Variants in NRXN3 observed in about 807,000 individuals in gnomAD.
NRXN3 encodes neurexin III.
A neutral mutation model predicts 137.6 loss-of-function variants in NRXN3; 32 were observed. The ratio of observed to expected loss-of-function variants is 0.23; its 90% CI spans 0.18 to 0.31. The LOEUF (loss-of-function observed/expected upper bound fraction) is 0.31, where lower values mean the gene tolerates loss of function less well. Among genes scored for constraint, NRXN3 ranks in the 10% least tolerant of loss-of-function variants. The probability of loss-of-function intolerance (pLI) is 1.00; values close to 1 mark genes in which losing one functional copy is unlikely to be tolerated. For missense variants in NRXN3, 1,574 were observed against 2,062.5 expected (o/e 0.76, Z 4.59); for synonymous variants, 798 against 784.5 (o/e 1.02, Z -0.29).
At chr14:79,757,360 C>T (rs1295707158) in intron 19 of NRXN3, among the ~76,000 whole-genome samples, 2 of 152,122 alleles carry the variant, frequency 1.3e-5, no homozygotes, top group African/African-American at 2.4e-5. Context: ...CTGTTATCAT[C>T]GTCCTGATGA....
rs1442448952 is a variant in NRXN3 at position 79,094,973 on chromosome 14, A to AGT, written c.3262+106833_3262+106834insTG. Among the ~76,000 whole-genome samples, 809 of 94,668 alleles carry AGT rather than the reference A, an allele frequency of 8.5e-3. 3 individuals are homozygous for AGT. The highest frequency in any genetic ancestry group is 0.012 in the South Asian group (22 of 1,902). The allele number at this position is 94,668 out of a possible 152,430, so 62.1% of individuals were successfully genotyped here. ...AAGAGAGAGAGAGAGAGAGAGAGAG[A>AGT]GAGAGAGTGTGTGTGTGTGTGTGTG... On this transcript the variant is annotated intron_variant, in intron 15 of 20. Coordinates refer to ENST00000335750, the MANE Select transcript of NRXN3 (RefSeq NM_001330195.2).
chr14:79,753,974 G>T (rs967333868), intron 19 of NRXN3, among the ~76,000 whole-genome samples: 2 of 151,874 alleles, frequency 1.3e-5, no homozygotes, highest in African/African-American at 4.8e-5. Flanking sequence ...ATTGTTTTAG[G>T]TATTATACCT....
chr14:78,420,042 T>C (rs2093372721), intron 4 of NRXN3, among the ~76,000 whole-genome samples: 2 of 151,996 alleles, frequency 1.3e-5, no homozygotes, highest in East Asian at 2.0e-4. Context: ...GAAGAAGGGA[T>C]GCCTCTTGTA....
In NRXN3 at chr14:78,472,561, C is replaced by T. The variant is rs529896723; in HGVS notation, c.758-172559C>T. ...TATTTTTCTCCACTTAATGCTTGCT[C>T]AGGGAAGACATCCACATCCATGGGA... On this transcript the variant is annotated intron_variant, in intron 4 of 20. Transcript: ENST00000335750. Among the ~76,000 whole-genome samples the T allele has an allele frequency of 3.3e-5, 5 of 152,334 alleles. No individual in the cohort carries two copies. The East Asian group carries it at 9.6e-4, about 29-fold the overall frequency.
At chr14:79,154,272 C>A (rs1182708510) in intron 15 of NRXN3, among the ~76,000 whole-genome samples, 1 of 151,884 alleles carries the variant, frequency 6.6e-6, no homozygotes, top group East Asian at 1.9e-4. Context: ...AATGCCCAAT[C>A]ACATTTTAAA....
chr14:79,075,847 T>C (rs994840077), intron 15 of NRXN3, among the ~76,000 whole-genome samples: 10 of 152,222 alleles, frequency 6.6e-5, no homozygotes, highest in African/African-American at 2.4e-4. Context: ...GTAGATGTCC[T>C]TCCCATACCT....
chr14:79,803,885 T>C (rs1275583387), intron 19 of NRXN3, among the ~76,000 whole-genome samples: 2 of 148,664 alleles, frequency 1.3e-5, no homozygotes, highest in Non-Finnish European at 3.0e-5. Context: ...TAACTGTAAC[T>C]AAAAAGTGTG....
intron 8 of NRXN3, among the ~76,000 whole-genome samples, chr14:78,794,618 G>A (rs187164937): frequency 1.3e-4 from 20 of 151,504 alleles, no homozygotes; most frequent in Admixed American, 7.9e-4. Flanking sequence ...GTGTGTGTGT[G>A]TGTGTGTGTG....
At chr14:79,422,474 T>C (rs568552203) in intron 15 of NRXN3, among the ~76,000 whole-genome samples, 106 of 152,296 alleles carry the variant, frequency 7.0e-4, no homozygotes, top group African/African-American at 2.5e-3. Context: ...CTGCATTCTT[T>C]AAGAATCTTC....
intron 16 of NRXN3, among the ~76,000 whole-genome samples, chr14:79,490,385 T>C (rs1476279857): frequency 6.6e-6 from 1 of 152,166 alleles, no homozygotes; most frequent in African/African-American, 2.4e-5. Flanking sequence ...GCAGCACTTT[T>C]CACAATAGCT....
At chr14:79,763,424 C>T (rs956665147) in intron 19 of NRXN3, among the ~76,000 whole-genome samples, 3 of 68,838 alleles carry the variant, frequency 4.4e-5, no homozygotes, top group African/African-American at 1.3e-4. Flanking sequence ...GGTATACACC[C>T]AGTAATGGGA....
At chr14:79,498,206 C>T (rs1441345492) in intron 16 of NRXN3, among the ~76,000 whole-genome samples, 1 of 152,176 alleles carries the variant, frequency 6.6e-6, no homozygotes, top group African/African-American at 2.4e-5. Flanking sequence ...GAAAGTTAAA[C>T]ATTAGTCACT....
chr14:79,018,275 AAAAAAAAAAAAAAAAAAAAAAG>A (rs1568003309), intron 15 of NRXN3, among the ~76,000 whole-genome samples: 1 of 57,706 alleles, frequency 1.7e-5, no homozygotes, highest in Non-Finnish European at 4.0e-5. Context: ...AAAAAAAAAA[AAAAAAAAAAAAAAAAAAAAAAG>A]AGAGAGAGCA....
intron 10 of NRXN3, among the ~76,000 whole-genome samples, chr14:78,930,393 A>G (rs1010227405): frequency 6.6e-6 from 1 of 152,242 alleles, no homozygotes; most frequent in Non-Finnish European, 1.5e-5. Flanking sequence ...TTCAGTTAGC[A>G]GCACCGTTGC....
At chr14:79,807,664 G>T (rs1395014614) in intron 20 of NRXN3, among the ~76,000 whole-genome samples, 1 of 152,146 alleles carries the variant, frequency 6.6e-6, no homozygotes, top group Non-Finnish European at 1.5e-5. Flanking sequence ...ACAATCTGTT[G>T]TGTTCTGTAA....
chr14:79,665,638 G>A (rs1039200551), intron 17 of NRXN3, among the ~76,000 whole-genome samples: 1 of 152,056 alleles, frequency 6.6e-6, no homozygotes, highest in African/African-American at 2.4e-5. Flanking sequence ...GTTTCTGTTA[G>A]GAATTTCAAA....
At position 78,974,443 on chromosome 14, in the gene NRXN3, C is replaced by T. The variant is rs561407994; in HGVS notation, c.3142+6097C>T. The stretch of plus-strand genomic sequence containing the variant: ...CATGGCAAAATAATCTGAAAGTTCT[C>T]ATCCAAAGGAATAATGGTTTGTAGG... On this transcript the variant is annotated intron_variant, in intron 14 of 20. Coordinates refer to ENST00000335750, the MANE Select transcript of NRXN3 (RefSeq NM_001330195.2). 7.2e-5 allele frequency among the ~76,000 whole-genome samples: 11 copies of T among 152,296 alleles called. No individual in the cohort carries two copies. In the South Asian group the frequency reaches 2.1e-3, roughly 29 times the overall value.
intron 4 of NRXN3, among the ~76,000 whole-genome samples, chr14:78,634,501 C>T (rs941905517): frequency 3.9e-5 from 6 of 152,146 alleles, no homozygotes; most frequent in African/African-American, 1.4e-4. Context: ...GGCGGTTAGA[C>T]GTTTTATTGG....
At chr14:79,086,099 T>C (rs1338039193) in intron 15 of NRXN3, among the ~76,000 whole-genome samples, 2 of 152,174 alleles carry the variant, frequency 1.3e-5, no homozygotes. Flanking sequence ...TCTAATACTA[T>C]AAACACTTGG....
Sources: gnomAD v4.1 joint callset for allele counts (sites outside exome capture counted in the v4.1 genomes callset) on GRCh38, gnomAD v4.1.1 for gene constraint, MANE v1.5 for transcripts, NCBI Gene and HGNC (gene_info 2026-07-23, HGNC 2026-07-21) for gene names.